PSMG4: variants seen among roughly 807,000 people sequenced by gnomAD.
The protein encoded by PSMG4 is proteasome (prosome, macropain) assembly chaperone 4.
In PSMG4, 10 loss-of-function variants were observed where a neutral mutation model predicts 11.0. The ratio of observed to expected loss-of-function variants is 0.91; its 90% CI spans 0.56 to 1.54. PSMG4 has a LOEUF of 1.54. Among genes scored for constraint, PSMG4 ranks in the 40% most tolerant of loss-of-function variants. The pLI is 0.00. For synonymous variants in PSMG4, 95 were observed against 71.3 expected, an observed-to-expected ratio of 1.33 and a Z score of -1.68; for missense variants, 198 against 160.9, an observed-to-expected ratio of 1.23 and a Z score of -1.25.
chr6:3,254,509 T>TA (rs773128007), upstream of PSMG4, among the ~76,000 whole-genome samples: 12 of 152,226 alleles, frequency 7.9e-5, no homozygotes, highest in East Asian at 1.9e-3. Context: ...GTGTATGTGT[T>TA]GGGTTTATGA....
upstream of PSMG4, chr6:3,255,245 T>C (rs1000550946): frequency 7.7e-6 from 12 of 1,548,600 alleles, no homozygotes; most frequent in Admixed American, 2.2e-4. Flanking sequence ...CCTTCCATGC[T>C]GTTGGGTTCT....
chr6:3,264,071 C>T, intron 2 of PSMG4: 2 of 1,455,464 alleles, frequency 1.4e-6, no homozygotes, highest in Non-Finnish European at 1.8e-6. Context: ...GGGAGGAGAG[C>T]ATGAGAAGTG....
intron 2 of PSMG4, 180 bp downstream of exon 2, chr6:3,263,939 G>C: frequency 2.1e-6 from 3 of 1,398,586 alleles, no homozygotes; most frequent in Middle Eastern, 2.0e-4. Flanking sequence ...TTCCATGCTC[G>C]CCTGTCATCA....
At chr6:3,255,328 T>G, upstream of PSMG4, 6 of 1,487,742 alleles carry the variant, frequency 4.0e-6, no homozygotes, top group Non-Finnish European at 5.4e-6. Context: ...TAACGGCAAC[T>G]GGTGGAGTCA....
upstream of PSMG4, among the ~76,000 whole-genome samples, chr6:3,254,748 T>C (rs1757687299): frequency 1.3e-5 from 2 of 152,128 alleles, no homozygotes; most frequent in East Asian, 2.0e-4. Context: ...CTGTGCCTCT[T>C]TTAAAAACTG....
chr6:3,261,059 G>C (rs992337960), intron 1 of PSMG4, among the ~76,000 whole-genome samples: 1 of 152,152 alleles, frequency 6.6e-6, no homozygotes, highest in Non-Finnish European at 1.5e-5. Flanking sequence ...CCTGTGGAAT[G>C]AATGAGTGAG....
At chr6:3,254,661 T>C (rs1039190660), upstream of PSMG4, among the ~76,000 whole-genome samples, 8 of 152,282 alleles carry the variant, frequency 5.3e-5, no homozygotes, top group Non-Finnish European at 1.0e-4. Flanking sequence ...GCTTTGTTCC[T>C]TCAAGCTGCG....
At chr6:3,264,799 C>T (rs1758121483) in intron 2 of PSMG4, 1 of 156,072 alleles carries the variant, frequency 6.4e-6, no homozygotes, top group Non-Finnish European at 1.4e-5. Flanking sequence ...TCCCACTTGC[C>T]ACCCTTCCCT....
At chr6:3,259,217 G>A in intron 1 of PSMG4, 21 bp downstream of exon 1, 1 of 1,274,070 alleles carries the variant, frequency 7.8e-7, no homozygotes, top group Non-Finnish European at 9.9e-7. Context: ...GGCGGCCGAG[G>A]GTGCGGGCGG....
chr6:3,259,241 C>T (rs1333240478), intron 1 of PSMG4, 45 bp downstream of exon 1: 11 of 1,078,950 alleles, frequency 1.0e-5, no homozygotes, highest in African/African-American at 1.9e-5. Flanking sequence ...GGCGGGGGCG[C>T]GGGGGCGCCG....
In PSMG4 at chr6:3,259,030, G is replaced by A. The variant is rs964160513; in HGVS notation, c.8G>A (p.Gly3Glu). Residue 3 changes from glycine to glutamate, a missense_variant, in exon 1 of 3, where the codon GGG becomes GAG. By Grantham distance (98) the Gly-to-Glu change is moderately conservative (BLOSUM62 -2). Coordinates refer to ENST00000438998, the MANE Select transcript of PSMG4 (RefSeq NM_001128591.2). The part of the protein sequence containing the change: ME[G>E]LVVAAGGDVS... ...CGGGAGCCGTGGGGCGGCATGGAGG[G>A]GCTGGTTGTCGCCGCCGGCGGGGAC... 1.4e-5 allele frequency: 17 copies of A among 1,249,940 alleles called. No individual in the cohort carries two copies. The highest frequency in any genetic ancestry group is 1.6e-5 in the Non-Finnish European group (16 of 996,296). The allele number at this position is 1,249,940 out of a possible 1,614,324, so 77.4% of individuals were successfully genotyped here. A position where few individuals can be genotyped will look rare whatever the true frequency, so the allele number is the denominator to read the frequency against.
upstream of PSMG4, among the ~76,000 whole-genome samples, chr6:3,257,464 TC>T (rs1757804568): frequency 6.6e-6 from 1 of 152,214 alleles, no homozygotes. Flanking sequence ...TAACTTTGTT[TC>T]CTTAATCTTT....
intron 2 of PSMG4, chr6:3,266,288 T>C (rs532621136): frequency 1.3e-5 from 2 of 152,286 alleles, no homozygotes; most frequent in African/African-American, 4.8e-5. Context: ...TGGCAGCAAC[T>C]GAAAGGACAG....
chr6:3,257,964 A>G (rs1757821829), upstream of PSMG4, among the ~76,000 whole-genome samples: 1 of 152,352 alleles, frequency 6.6e-6, no homozygotes, highest in Middle Eastern at 3.4e-3. Context: ...TGCCCTCTTA[A>G]ATTTCAATTT....
chr6:3,262,945 GC>G (rs1758048824), intron 1 of PSMG4, among the ~76,000 whole-genome samples: 1 of 152,142 alleles, frequency 6.6e-6, no homozygotes, highest in South Asian at 2.1e-4. Flanking sequence ...CTCCCAAAGT[GC>G]TGGGATTCTG....
In PSMG4 at chr6:3,267,834, G is replaced by A; in HGVS notation, c.*122G>A. The stretch of plus-strand genomic sequence containing the variant: ...TGTTTTTAAGGGGTTAATCTTTTGA[G>A]CTTCCTTCTCAGCAGTGTGTGGGCC... On this transcript the variant is annotated 3_prime_UTR_variant, in exon 3 of 3. Coordinates refer to ENST00000438998, the MANE Select transcript of PSMG4 (RefSeq NM_001128591.2). The A allele has an allele frequency of 9.5e-7, 1 of 1,051,152 alleles. No individual in the cohort carries two copies. The highest frequency in any genetic ancestry group is 1.4e-6 in the Non-Finnish European group (1 of 736,246). 65.1% of individuals were successfully genotyped at this position (1,051,152 alleles called of 1,614,324 possible). A position where few individuals can be genotyped will look rare whatever the true frequency, so the allele number is the denominator to read the frequency against.
Position 3,267,566 on chromosome 6 carries a change from G to A in PSMG4, c.251-25G>A, listed in dbSNP as rs1445435154. On this transcript the variant is annotated intron_variant, in intron 2 of 2. Coordinates refer to ENST00000438998, the MANE Select transcript of PSMG4 (RefSeq NM_001128591.2). ...GGCCTGCAGTATTTCAGGAGTGGCT[G>A]TATCAATGTGTTTTCTCTTTTTAGC... 17 of 1,549,652 alleles carry A rather than the reference G, an allele frequency of 1.1e-5. No homozygotes were observed. In the Admixed American group the frequency reaches 2.6e-4, roughly 23 times the overall value.
upstream of PSMG4, chr6:3,255,174 T>C (rs749486880): frequency 2.3e-5 from 35 of 1,550,774 alleles, no homozygotes; most frequent in Middle Eastern, 3.4e-4. Flanking sequence ...ACGGCTTACA[T>C]GTGCGCTCTG....
upstream of PSMG4, chr6:3,254,929 C>T (rs11242830): frequency 0.78 from 876,145 of 1,116,280 alleles, 352,028 homozygotes; most frequent in Non-Finnish European, 0.83. Flanking sequence ...TTCAGCCATT[C>T]TCTCACTGGG....
Sources: allele counts gnomAD v4.1 joint callset (sites outside exome capture counted in the v4.1 genomes callset), GRCh38; gene constraint gnomAD v4.1.1; transcripts MANE v1.5; gene names NCBI Gene and HGNC (gene_info 2026-07-23, HGNC 2026-07-21).